Variants in FAM107A observed in about 807,000 individuals in gnomAD.
FAM107A encodes family with sequence similarity 107 member A, also known as actin-associated protein FAM107A.
Under a neutral mutation model 13.7 loss-of-function variants are expected in FAM107A, and 19 were observed. The ratio of observed to expected loss-of-function variants is 1.38; its 90% CI spans 0.97 to 2.03. FAM107A has a LOEUF of 2.03. Among genes scored for constraint, FAM107A ranks in the 30% most tolerant of loss-of-function variants. The pLI is 0.00. For missense variants in FAM107A, 203 were observed against 184.4 expected (o/e 1.10, Z -0.58); for synonymous variants, 82 against 74.5 (o/e 1.10, Z -0.52).
intron 1 of FAM107A, among the ~76,000 whole-genome samples, chr3:58,616,310 G>A (rs577185947): frequency 4.6e-5 from 7 of 152,068 alleles, no homozygotes; most frequent in East Asian, 1.9e-4. Context: ...TCAGGTGCCC[G>A]AGAAGAATGT....
chr3:58,627,108 T>C (rs2066026427), intron 1 of FAM107A: 1 of 1,033,860 alleles, frequency 9.7e-7, no homozygotes, highest in South Asian at 1.4e-5. Context: ...GAGGGCCCCC[T>C]GTCCTCTTGC....
chr3:58,621,360 A>C (rs534960826), intron 1 of FAM107A, among the ~76,000 whole-genome samples: 1 of 151,980 alleles, frequency 6.6e-6, no homozygotes, highest in Admixed American at 6.6e-5. Context: ...CAGGGCTCTG[A>C]GCTCAGAAGG....
At chr3:58,586,241 G>A (rs1187979566) in intron 1 of FAM107A, among the ~76,000 whole-genome samples, 2 of 152,210 alleles carry the variant, frequency 1.3e-5, no homozygotes, top group Non-Finnish European at 2.9e-5. Context: ...CCGCCTTCAG[G>A]CACTTGTGTG....
At chr3:58,627,343 C>T in intron 1 of FAM107A, 1 of 320,822 alleles carries the variant, frequency 3.1e-6, no homozygotes, top group Non-Finnish European at 5.8e-6. Flanking sequence ...GCAGTCCTCT[C>T]ATCACACACC....
chr3:58,581,792 G>C (rs934971484), upstream of FAM107A, among the ~76,000 whole-genome samples: 1 of 152,254 alleles, frequency 6.6e-6, no homozygotes, highest in African/African-American at 2.4e-5. Flanking sequence ...ATGGGAAAGT[G>C]AGAGGGGGTG....
upstream of FAM107A, among the ~76,000 whole-genome samples, chr3:58,579,881 C>T (rs1377005662): frequency 1.3e-5 from 2 of 152,186 alleles, no homozygotes; most frequent in African/African-American, 4.8e-5. Flanking sequence ...TCTCACAGTC[C>T]AACTTGTATA....
At chr3:58,627,046 C>G in intron 1 of FAM107A, 1 of 1,525,470 alleles carries the variant, frequency 6.6e-7, no homozygotes. Context: ...AGGCTGGGGT[C>G]CTCCCTGCTG....
At chr3:58,587,171 T>C, upstream of FAM107A, 2 of 1,289,114 alleles carry the variant, frequency 1.6e-6, no homozygotes, top group Non-Finnish European at 2.0e-6. Flanking sequence ...AGGGCGCGGG[T>C]GAACGTCTGC....
intron 1 of FAM107A, among the ~76,000 whole-genome samples, chr3:58,593,699 C>T (rs755312653): frequency 1.3e-5 from 2 of 152,020 alleles, no homozygotes; most frequent in African/African-American, 2.4e-5. Context: ...CTCACCATTT[C>T]TAATTCCTCC....
At chr3:58,605,090 G>A (rs1356290238) in intron 1 of FAM107A, among the ~76,000 whole-genome samples, 1 of 152,174 alleles carries the variant, frequency 6.6e-6, no homozygotes, top group Non-Finnish European at 1.5e-5. Flanking sequence ...GGGTCTTGAA[G>A]GATTTGGTTT....
chr3:58,572,183 CAT>C (rs2063690748), intron 1 of FAM107A, among the ~76,000 whole-genome samples: 1 of 152,136 alleles, frequency 6.6e-6, no homozygotes, highest in South Asian at 2.1e-4. Flanking sequence ...GCATTCCACA[CAT>C]GTTCGAGTTC....
intron 1 of FAM107A, chr3:58,606,957 G>A (rs1395991648): frequency 6.6e-6 from 1 of 152,220 alleles, no homozygotes; most frequent in Non-Finnish European, 1.5e-5. Context: ...AGAGCCCTGA[G>A]AGAGGGACTA....
In FAM107A at chr3:58,625,785, C is replaced by T. The variant is rs370382025; in HGVS notation, c.-70+1631G>A. On this transcript the variant is annotated intron_variant, in intron 1 of 3. Transcript: ENST00000465970. ...CTGCAACCCTTTATGAGAAATAAAG[C>T]TCCTCTTTCCAAATTAACAACAATA... Among the ~76,000 whole-genome samples, 10 of 152,328 alleles carry T rather than the reference C, an allele frequency of 6.6e-5. No homozygotes were observed. In the East Asian group the frequency reaches 1.7e-3, roughly 26 times the overall value.
At chr3:58,570,388 AAGAGGAG>A in intron 1 of FAM107A, 1 of 984,898 alleles carries the variant, frequency 1.0e-6, no homozygotes, top group South Asian at 4.7e-5. Flanking sequence ...CTTCACATCA[AAGAGGAG>A]AGCATGAAAT....
upstream of FAM107A, among the ~76,000 whole-genome samples, chr3:58,579,347 T>A (rs993751785): frequency 9.2e-5 from 14 of 152,148 alleles, no homozygotes; most frequent in Non-Finnish European, 2.1e-4. Flanking sequence ...CTGACCATTC[T>A]CGAGCCACTT....
At chr3:58,584,124 G>A (rs2065577967) in intron 1 of FAM107A, among the ~76,000 whole-genome samples, 1 of 152,132 alleles carries the variant, frequency 6.6e-6, no homozygotes, top group Non-Finnish European at 1.5e-5. Context: ...CAGCCAGAGA[G>A]CGGGTCCAGA....
chr3:58,586,760 A>T (rs188984707), intron 1 of FAM107A: 2 of 1,245,466 alleles, frequency 1.6e-6, no homozygotes, highest in Non-Finnish European at 2.1e-6. Context: ...AACGAAGCAG[A>T]GGCGCCCAGC....
intron 1 of FAM107A, among the ~76,000 whole-genome samples, chr3:58,575,733 T>C (rs904903737): frequency 6.6e-6 from 1 of 152,226 alleles, no homozygotes; most frequent in Non-Finnish European, 1.5e-5. Flanking sequence ...GCCTGCTAAC[T>C]TGAGGACTCC....
chr3:58,602,117 A>G (rs980987213), intron 1 of FAM107A, among the ~76,000 whole-genome samples: 4 of 152,266 alleles, frequency 2.6e-5, no homozygotes, highest in African/African-American at 9.6e-5. Flanking sequence ...AGGGCAGGGA[A>G]GGGGGAAGAG....
Sources: allele counts gnomAD v4.1 joint callset (sites outside exome capture counted in the v4.1 genomes callset), GRCh38; gene constraint gnomAD v4.1.1; transcripts MANE v1.5; gene names NCBI Gene and HGNC (gene_info 2026-07-23, HGNC 2026-07-21).